ERICH6B: variants seen among roughly 807,000 people sequenced by gnomAD.
ERICH6B encodes the protein glutamate rich 6B, also known as glutamate-rich protein 6B.
ERICH6B carries 69 observed loss-of-function variants against 80.0 expected under a neutral mutation model. The ratio of observed to expected loss-of-function variants is 0.86; its 90% CI spans 0.71 to 1.05. The LOEUF (loss-of-function observed/expected upper bound fraction) is 1.05, where lower values mean the gene tolerates loss of function less well. Among genes scored for constraint, ERICH6B ranks in the 50% least tolerant of loss-of-function variants. The pLI is 0.00. For missense variants in ERICH6B, 754 were observed against 796.1 expected (o/e 0.95, Z 0.64); for synonymous variants, 283 against 291.9 (o/e 0.97, Z 0.31).
intron 8 of ERICH6B, among the ~76,000 whole-genome samples, chr13:45,572,317 T>C (rs1440208679): frequency 6.6e-6 from 1 of 152,172 alleles, no homozygotes; most frequent in African/African-American, 2.4e-5. Flanking sequence ...CCACTACATA[T>C]TACTAATCTT....
rs118131230 is a variant in ERICH6B at position 45,541,572 on chromosome 13, G to A, written c.1981C>T (p.Leu661Phe). ...IRVLLGKMNR[L>F]LNYATTPDLE... Reference sequence around the variant, plus strand: ...TCAGGGGTGGTCGCGTAATTCAGGAGCCTATTCATTTTCCCCAGAAGGACC... The same window carrying A: ...TCAGGGGTGGTCGCGTAATTCAGGAACCTATTCATTTTCCCCAGAAGGACC... The change falls in exon 15 of 15, where the codon CTC becomes TTC. Residue 661 changes from leucine (L) to phenylalanine (F), a missense_variant. Transcript: ENST00000298738. The A allele has an allele frequency of 6.0e-3, 9,256 of 1,551,886 alleles. 43 individuals carry two copies. The highest frequency in any genetic ancestry group is 0.024 in the Middle Eastern group (146 of 5,994).
intron 1 of ERICH6B, among the ~76,000 whole-genome samples, chr13:45,609,535 T>C (rs1949887888): frequency 6.6e-6 from 1 of 152,260 alleles, no homozygotes; most frequent in African/African-American, 2.4e-5. Context: ...TTCTTTGGTC[T>C]GTAGATTTGA....
intron 1 of ERICH6B, among the ~76,000 whole-genome samples, chr13:45,610,253 G>A (rs1008601897): frequency 4.0e-5 from 6 of 151,760 alleles, no homozygotes; most frequent in African/African-American, 9.7e-5. Context: ...ACCTGGACCC[G>A]CCAACTACTC....
chr13:45,609,863 C>A (rs1333255904), intron 1 of ERICH6B, among the ~76,000 whole-genome samples: 1 of 152,188 alleles, frequency 6.6e-6, no homozygotes, highest in Admixed American at 6.5e-5. Context: ...AAAATTATAA[C>A]AGTGAGAAAA....
intron 11 of ERICH6B, among the ~76,000 whole-genome samples, chr13:45,557,980 G>C (rs1266597028): frequency 1.3e-5 from 2 of 151,826 alleles, no homozygotes; most frequent in Non-Finnish European, 2.9e-5. Context: ...AATGATGGTG[G>C]TATTTTGATG....
chr13:45,542,950 C>G (rs1873841860), intron 14 of ERICH6B, among the ~76,000 whole-genome samples: 1 of 152,244 alleles, frequency 6.6e-6, no homozygotes, highest in African/African-American at 2.4e-5. Flanking sequence ...ACACTCCCTC[C>G]TCTCTTCTCA....
chr13:45,562,858 G>A (rs1874745544), intron 10 of ERICH6B, among the ~76,000 whole-genome samples: 1 of 152,202 alleles, frequency 6.6e-6, no homozygotes, highest in Non-Finnish European at 1.5e-5. Flanking sequence ...TAAGAGTTAG[G>A]TCAGGGGCAT....
At chr13:45,544,714 G>T (rs370891897) in intron 14 of ERICH6B, 46 bp downstream of exon 14, 709 of 1,518,240 alleles carry the variant, frequency 4.7e-4, no homozygotes, top group Non-Finnish European at 5.5e-4. Flanking sequence ...CCTTTGTACA[G>T]GTGGGCACCC....
At chr13:45,545,122 A>G (rs559406003) in intron 13 of ERICH6B, 137 bp from the exon 14 acceptor site, 5 of 718,986 alleles carry the variant, frequency 7.0e-6, no homozygotes, top group Non-Finnish European at 1.2e-5. Context: ...AGAAGCTCCA[A>G]CATGGACAAC....
Position 45,563,717 on chromosome 13 carries a change from T to C in ERICH6B, c.1249+10A>G, listed in dbSNP as rs1281643479. On this transcript the variant is annotated intron_variant, in intron 10 of 14. Coordinates refer to ENST00000298738, the MANE Select transcript of ERICH6B (RefSeq NM_182542.3). ...CAGCACGTGGTGGAAAATGGTGGAG[T>C]GGTGCCTACCTTCACGTCTCCTCTT... is the stretch of plus-strand genomic sequence containing the variant. The C allele has an allele frequency of 3.2e-6, 5 of 1,551,496 alleles. 1 individual carries two copies. The South Asian group carries it at 3.6e-5, about 11-fold the overall frequency.
chr13:45,563,905 G>T, intron 9 of ERICH6B, 117 bp from the exon 10 acceptor site: 1 of 821,012 alleles, frequency 1.2e-6, no homozygotes, highest in Non-Finnish European at 1.9e-6. Flanking sequence ...TGGAAATGGG[G>T]CCAATGGCTT....
intron 2 of ERICH6B, among the ~76,000 whole-genome samples, chr13:45,599,135 G>A (rs1356744869): frequency 6.6e-6 from 1 of 152,202 alleles, no homozygotes; most frequent in Non-Finnish European, 1.5e-5. Flanking sequence ...CCTTGTGATA[G>A]CTTCACCAAA....
intron 14 of ERICH6B, 65 bp downstream of exon 14, chr13:45,544,695 C>T: frequency 7.1e-7 from 1 of 1,409,872 alleles, no homozygotes; most frequent in Non-Finnish European, 9.8e-7. Flanking sequence ...CAGTCCAAGC[C>T]AGCAGTGGCC....
Position 45,586,751 on chromosome 13 carries a change from T to G in ERICH6B, c.856+312A>C, listed in dbSNP as rs185929568. 1.7e-3 allele frequency among the ~76,000 whole-genome samples: 263 copies of G among 152,256 alleles called. 1 individual carries two copies. The highest frequency in any genetic ancestry group is 3.1e-3 in the Non-Finnish European group (209 of 68,028). The stretch of plus-strand genomic sequence containing the variant: ...CTGAGGGAAATTGTGCCTGTGTTCA[T>G]GTAGAACAAGAATAGGAAGACGAAT... On this transcript the variant is annotated intron_variant, in intron 5 of 14. Coordinates refer to ENST00000298738, the MANE Select transcript of ERICH6B (RefSeq NM_182542.3).
At chr13:45,602,002 A>G (rs990955169) in intron 2 of ERICH6B, among the ~76,000 whole-genome samples, 11 of 152,190 alleles carry the variant, frequency 7.2e-5, no homozygotes, top group Non-Finnish European at 7.3e-5. Context: ...GTAAACGTCT[A>G]TGTGTGTGAA....
In ERICH6B at chr13:45,541,536, A is replaced by G. The variant is rs916286722; in HGVS notation, c.2017T>C (p.Phe673Leu). Residue 673 changes from phenylalanine to leucine, a missense_variant, in exon 15 of 15, where the codon TTC (phenylalanine) becomes CTC (leucine). Transcript: ENST00000298738. ...AGTGATATACTGACGGCCTCTATGAAGTTTTCCAGATCAGGGGTGGTCGCG... is the reference window on the plus strand; with the variant it reads ...AGTGATATACTGACGGCCTCTATGAGGTTTTCCAGATCAGGGGTGGTCGCG... ...NYATTPDLEN[F>L]IEAVSISLMD... is the part of the protein sequence containing the mutation. 3 of 1,551,928 alleles carry G rather than the reference A, an allele frequency of 1.9e-6. No individual in the cohort carries two copies. Among genetic ancestry groups the G allele is most frequent in the Non-Finnish European group, 2.6e-6 (3 of 1,147,070 alleles).
rs1458784620 is a variant in ERICH6B at position 45,587,048 on chromosome 13, C to T, written c.856+15G>A. On this transcript the variant is annotated intron_variant, in intron 5 of 14. Transcript: ENST00000298738. ...GCCCGGCTGCGCCTCACCGACAGAG[C>T]GCAGCTTCCCTCACCGGCAGTTCTG... is the stretch of plus-strand genomic sequence containing the variant. 20 of 1,549,542 alleles carry T rather than the reference C, an allele frequency of 1.3e-5. No individual in the cohort carries two copies. In the Admixed American group the frequency reaches 3.0e-4, roughly 23 times the overall value.
At chr13:45,607,073 G>A (rs1422399056) in intron 2 of ERICH6B, among the ~76,000 whole-genome samples, 5 of 152,136 alleles carry the variant, frequency 3.3e-5, no homozygotes, top group African/African-American at 4.8e-5. Context: ...GGGGAAGCAC[G>A]CTGTGGTGAG....
intron 2 of ERICH6B, among the ~76,000 whole-genome samples, chr13:45,602,716 T>C (rs1949834264): frequency 6.6e-6 from 1 of 152,188 alleles, no homozygotes; most frequent in Non-Finnish European, 1.5e-5. Flanking sequence ...GACTCTTCTC[T>C]TTCATTCTCA....
Sources: allele counts gnomAD v4.1 joint callset (sites outside exome capture counted in the v4.1 genomes callset), GRCh38; gene constraint gnomAD v4.1.1; transcripts MANE v1.5; gene names NCBI Gene and HGNC (gene_info 2026-07-23, HGNC 2026-07-21).